AFF2: variants seen among roughly 807,000 people sequenced by gnomAD.
The protein encoded by AFF2 is AF4/FMR2 family member 2.
Under a neutral mutation model 76.9 loss-of-function variants are expected in AFF2, and 14 were observed. The ratio of observed to expected loss-of-function variants is 0.18; its 90% confidence interval spans 0.12 to 0.28. AFF2 has a LOEUF of 0.28. Among genes scored for constraint, AFF2 ranks in the 10% least tolerant of loss-of-function variants. AFF2 has a pLI of 1.00. For synonymous variants in AFF2, 398 were observed against 366.7 expected, an observed-to-expected ratio of 1.09 and a Z score of -0.98; for missense variants, 868 against 1,001.1, an observed-to-expected ratio of 0.87 and a Z score of 1.79.
chrX:148,822,704 GGTGTGT>G (rs36003565), intron 4 of AFF2, among the ~76,000 whole-genome samples: 122 of 92,198 alleles, frequency 1.3e-3, no homozygotes, highest in African/African-American at 3.7e-3. Context: ...ATTCCTCCAG[GGTGTGT>G]GTGTGTGTGT....
rs1019242463 is a variant in AFF2 at position 148,993,977 on chromosome X, G to C, written c.*2645G>C. On this transcript the variant is annotated 3_prime_UTR_variant, in exon 21 of 21. Coordinates refer to ENST00000370460, the MANE Select transcript of AFF2 (RefSeq NM_002025.4). ...GGTGTGCAGCTATTTGAGGGACTAA[G>C]GGATGGAGATATTCTGTCAAATGAA... is the stretch of plus-strand genomic sequence containing the variant. 4.5e-5 allele frequency: 5 copies of C among 112,329 alleles called. No homozygotes were observed. The highest frequency in any genetic ancestry group is 9.4e-5 in the Non-Finnish European group (5 of 53,235). 9.3% of individuals were successfully genotyped at this position (112,329 alleles called of 1,213,427 possible). A position where few individuals can be genotyped will look rare whatever the true frequency, so the allele number is the denominator to read the frequency against.
intron 9 of AFF2, among the ~76,000 whole-genome samples, chrX:148,931,572 A>C (rs2071714312): frequency 8.9e-6 from 1 of 112,391 alleles, no homozygotes; most frequent in South Asian, 3.6e-4. Context: ...AATGACTTAC[A>C]TTGTTGAAAT....
intron 3 of AFF2, among the ~76,000 whole-genome samples, chrX:148,750,261 G>A (rs782444561): frequency 1.8e-5 from 2 of 110,620 alleles, no homozygotes; most frequent in African/African-American, 3.3e-5. Flanking sequence ...GAGCCACTGC[G>A]CCCAGCCGCC....
At chrX:148,590,021 T>C (rs1256043922) in intron 1 of AFF2, among the ~76,000 whole-genome samples, 3 of 101,227 alleles carry the variant, frequency 3.0e-5, no homozygotes, top group Non-Finnish European at 6.0e-5. Context: ...CTGAGAGCGG[T>C]CACAGAGCAG....
At position 148,991,377 on chromosome X, in the gene AFF2, C is replaced by G. The variant is rs1452652348; in HGVS notation, c.*45C>G. On this transcript the variant is annotated 3_prime_UTR_variant, in exon 21 of 21. Coordinates refer to ENST00000370460, the MANE Select transcript of AFF2 (RefSeq NM_002025.4). ...AGCATCACGACCCATCACTCTACCT[C>G]TACCAGCGCACTGATGGTCACTGGT... 17 of 1,148,196 alleles carry G rather than the reference C, an allele frequency of 1.5e-5. No individual in the cohort carries two copies. Among genetic ancestry groups the G allele is most frequent in the Admixed American group, 2.4e-5 (1 of 41,347 alleles). The allele number at this position is 1,148,196 out of a possible 1,213,427, so 94.6% of individuals were successfully genotyped here. A position where few individuals can be genotyped will look rare whatever the true frequency, so the allele number is the denominator to read the frequency against.
At chrX:148,503,546 C>G (rs1557232135) in intron 1 of AFF2, among the ~76,000 whole-genome samples, 3 of 112,247 alleles carry the variant, frequency 2.7e-5, no homozygotes, top group Non-Finnish European at 3.8e-5. Context: ...TGAGCTGTCT[C>G]TACTGCAACC....
chrX:148,691,387 T>G (rs1557260755), intron 3 of AFF2, among the ~76,000 whole-genome samples: 1 of 112,482 alleles, frequency 8.9e-6, no homozygotes, highest in African/African-American at 3.2e-5. Flanking sequence ...ATTTTATATT[T>G]GTGTATCTTA....
chrX:148,500,715 C>A lies in AFF2; in HGVS notation c.-383C>A, dbSNP rs1290451170. 2.1e-5 allele frequency: 2 copies of A among 96,569 alleles called. No individual in the cohort carries two copies. The highest frequency in any genetic ancestry group is 4.3e-5 in the Non-Finnish European group (2 of 47,010). The allele number at this position is 96,569 out of a possible 1,213,427, so 8.0% of individuals were successfully genotyped here. On this transcript the variant is annotated 5_prime_UTR_variant, in exon 1 of 21. Transcript: ENST00000370460. ...CCCCGGCTGCCGCGCCGCGCCGCTG[C>A]CTCTGCCCCGGCCGCCCCCGCCGCC... is the stretch of plus-strand genomic sequence containing the variant.
chrX:148,997,296 C>T lies in AFF2; in HGVS notation c.*5964C>T, dbSNP rs1328034761. 1 of 107,873 alleles carries T rather than the reference C, an allele frequency of 9.3e-6. No homozygotes were observed. Among genetic ancestry groups the T allele is most frequent in the Non-Finnish European group, 1.9e-5 (1 of 53,059 alleles). The allele number at this position is 107,873 out of a possible 1,213,427, so 8.9% of individuals were successfully genotyped here. A position where few individuals can be genotyped will look rare whatever the true frequency, so the allele number is the denominator to read the frequency against. On this transcript the variant is annotated 3_prime_UTR_variant, in exon 21 of 21. Transcript: ENST00000370460. ...GGCTTTCATTAAATACACACACACACACACTCACACACACACACATACACT... is the reference window on the plus strand; with the variant it reads ...GGCTTTCATTAAATACACACACACATACACTCACACACACACACATACACT...
chrX:148,941,621 C>T (rs1344686649), intron 9 of AFF2, among the ~76,000 whole-genome samples: 1 of 112,050 alleles, frequency 8.9e-6, no homozygotes, highest in Non-Finnish European at 1.9e-5. Flanking sequence ...GCTCTAAATA[C>T]CAATTACATT....
rs183111519 is a variant in AFF2 at position 148,778,405 on chromosome X, T to C, written c.1042-31471T>C. ...GAGGAGTCCTTTTTTTTCTGTTGTT[T>C]GGAATGATTTCAGAAGGAATGGTAC... is the stretch of plus-strand genomic sequence containing the variant. On this transcript the variant is annotated intron_variant, in intron 3 of 20. Coordinates refer to ENST00000370460, the MANE Select transcript of AFF2 (RefSeq NM_002025.4). Among the ~76,000 whole-genome samples the C allele has an allele frequency of 2.4e-3, 271 of 111,709 alleles. 1 individual carries two copies. The highest frequency in any genetic ancestry group is 8.5e-3 in the African/African-American group (260 of 30,755).
At chrX:148,928,113 A>G (rs1479576880) in intron 9 of AFF2, among the ~76,000 whole-genome samples, 2 of 111,980 alleles carry the variant, frequency 1.8e-5, no homozygotes, top group African/African-American at 3.2e-5. Flanking sequence ...AATGTTCCCC[A>G]GAACTCTCTA....
intron 1 of AFF2, among the ~76,000 whole-genome samples, chrX:148,565,258 T>C (rs2053156101): frequency 9.0e-6 from 1 of 111,615 alleles, no homozygotes; most frequent in African/African-American, 3.3e-5. Context: ...TTTTAAAATA[T>C]ATTTATGATA....
At chrX:148,958,638 G>T (rs782292048) in intron 12 of AFF2, among the ~76,000 whole-genome samples, 180 bp downstream of exon 12, 1 of 111,894 alleles carries the variant, frequency 8.9e-6, no homozygotes, top group South Asian at 3.8e-4. Context: ...GTGATAAGGG[G>T]TAGAACATAT....
chrX:148,633,456 C>A (rs1449981926), intron 1 of AFF2, among the ~76,000 whole-genome samples: 1 of 112,393 alleles, frequency 8.9e-6, no homozygotes, highest in African/African-American at 3.2e-5. Flanking sequence ...TGTGCACACA[C>A]ACACACGCAT....
Position 148,726,659 on chromosome X carries a change from G to A in AFF2, c.1041+63891G>A, listed in dbSNP as rs373896332. Reference sequence around the variant, plus strand: ...GTGTCTTTTAGGGGTCATGGATTTAGCCAGTTAAAACAAATCCCACCAATC... The same window carrying A: ...GTGTCTTTTAGGGGTCATGGATTTAACCAGTTAAAACAAATCCCACCAATC... On this transcript the variant is annotated intron_variant, in intron 3 of 20. Coordinates refer to ENST00000370460, the MANE Select transcript of AFF2 (RefSeq NM_002025.4). Among the ~76,000 whole-genome samples, 17 of 111,780 alleles carry A rather than the reference G, an allele frequency of 1.5e-4. No individual in the cohort carries two copies. The East Asian group carries it at 3.1e-3, about 21-fold the overall frequency.
intron 3 of AFF2, among the ~76,000 whole-genome samples, chrX:148,731,954 G>A (rs1415277150): frequency 2.1e-5 from 1 of 48,031 alleles, no homozygotes; most frequent in Non-Finnish European, 3.4e-5. Context: ...GGAGAAATAG[G>A]AACACTTTTA....
At chrX:148,941,961 T>C (rs1460293969) in intron 9 of AFF2, among the ~76,000 whole-genome samples, 2 of 110,329 alleles carry the variant, frequency 1.8e-5, no homozygotes, top group Non-Finnish European at 3.8e-5. Context: ...GAAAATTATA[T>C]ACAATTTATC....
intron 1 of AFF2, among the ~76,000 whole-genome samples, chrX:148,645,709 G>A (rs1157470453): frequency 8.9e-6 from 1 of 112,132 alleles, no homozygotes; most frequent in Non-Finnish European, 1.9e-5. Context: ...TTTCAAAAAA[G>A]CAAATATGTT....
Sources: gnomAD v4.1 joint callset for allele counts (sites outside exome capture counted in the v4.1 genomes callset) on GRCh38, gnomAD v4.1.1 for gene constraint, MANE v1.5 for transcripts, NCBI Gene and HGNC (gene_info 2026-07-23, HGNC 2026-07-21) for gene names.